Variants in RAB11FIP5 observed in about 807,000 individuals in gnomAD.
RAB11FIP5 encodes RAB11 family interacting protein 5.
In RAB11FIP5, 48 loss-of-function variants were observed where a neutral mutation model predicts 85.1. That is an observed-to-expected ratio of 0.56 (90% CI 0.45 to 0.72). The LOEUF (loss-of-function observed/expected upper bound fraction) is 0.72, where lower values mean the gene tolerates loss of function less well. RAB11FIP5 is among the 30% of genes least tolerant of loss of function. The pLI is 0.00. For synonymous variants in RAB11FIP5, 729 were observed against 727.3 expected (o/e 1.00, Z -0.04); for missense variants, 1,491 against 1,687.0 (o/e 0.88, Z 2.04).
rs776830031 is a variant in RAB11FIP5, at chr2:73,112,433, G to A, written c.345C>T (p.Arg115=). 1 of 1,600,984 alleles carries A rather than the reference G, an allele frequency of 6.2e-7. No individual in the cohort carries two copies. Among genetic ancestry groups the A allele is most frequent in the Non-Finnish European group, 8.5e-7 (1 of 1,176,196 alleles). Residue 115 remains arginine, a synonymous_variant, in exon 1 of 6, where the codon CGC becomes CGT. Coordinates refer to ENST00000486777, the MANE Select transcript of RAB11FIP5 (RefSeq NM_001371272.1). Reference sequence around the variant, plus strand: ...GGAACTTGTCGACGCCGATGAGCGAGCGGTGCATGGTGGTGAGCACCAGCT... The same window carrying A: ...GGAACTTGTCGACGCCGATGAGCGAACGGTGCATGGTGGTGAGCACCAGCT... The part of the protein sequence containing the change: ...ACELVLTTMH[R]SLIGVDKFLG...
In RAB11FIP5 at chr2:73,089,327, G is replaced by T. The variant is rs1454177504; in HGVS notation, c.432-12C>A. On this transcript the variant is annotated splice_polypyrimidine_tract_variant and intron_variant, in intron 1 of 5. Transcript: ENST00000486777. This position sits in a 1 kb window ranked among gnomAD's most constrained non-coding sequence, Gnocchi z 4.6. ...GCAGCTTGTACCACCTGTGAGAAGA[G>T]GGGAGCAGGCAGAACTCAGTCACGG... 1 of 1,612,068 alleles carries T rather than the reference G, an allele frequency of 6.2e-7. No homozygotes were observed. The highest frequency in any genetic ancestry group is 1.7e-5 in the Admixed American group (1 of 60,022).
Position 73,112,553 on chromosome 2 carries a change from G to C in RAB11FIP5, c.225C>G (p.Phe75Leu), listed in dbSNP as rs753569888. Residue 75 changes from phenylalanine to leucine, a missense_variant, in exon 1 of 6, where the codon TTC becomes TTG. Coordinates refer to ENST00000486777, the MANE Select transcript of RAB11FIP5 (RefSeq NM_001371272.1). ...CATCCAGGGCCCCCGGCGGCAGCTC[G>C]AAGGAGCACTCCTCACGCCACTCGG... ...GCPEWREECS[F>L]ELPPGALDGL... 5.4e-5 allele frequency: 84 copies of C among 1,559,066 alleles called. No individual in the cohort carries two copies. Among genetic ancestry groups the C allele is most frequent in the Non-Finnish European group, 6.8e-5 (79 of 1,155,400 alleles).
At chr2:73,103,477 G>A (rs1168966319) in intron 1 of RAB11FIP5, among the ~76,000 whole-genome samples, 1 of 152,220 alleles carries the variant, frequency 6.6e-6, no homozygotes, top group Non-Finnish European at 1.5e-5. Context: ...ACCACAGAGA[G>A]CAACAGAAAA....
In RAB11FIP5 at chr2:73,081,469, G is replaced by A; in HGVS notation, c.1763C>T (p.Thr588Ile). ...AAATTAAPEA[T>I]PPGLLGLTNP... ...GGTAAGACCCAATAATCCAGGTGGG[G>A]TGGCTTCAGGGGCGGCGGTGGTGGC... The change falls in exon 4 of 6, where the codon ACC (threonine) becomes ATC (isoleucine). Residue 588 changes from threonine (T) to isoleucine (I), a missense_variant. Thr to Ile is a moderately conservative substitution (Grantham distance 89, BLOSUM62 -1). Around this residue, in one of 3 missense-constraint regions of RAB11FIP5, gnomAD observed 1,211 missense variants for 1,338.0 expected, o/e 0.91. Transcript: ENST00000486777. The surrounding 1 kb of genome is among the most constrained non-coding windows in gnomAD (Gnocchi z 4.2). 4 of 1,234,370 alleles carry A rather than the reference G, an allele frequency of 3.2e-6. No individual in the cohort carries two copies. Among genetic ancestry groups the A allele is most frequent in the Non-Finnish European group, 4.0e-6 (4 of 989,352 alleles). The allele number at this position is 1,234,370 out of a possible 1,614,324, so 76.5% of individuals were successfully genotyped here.
At position 73,075,737 on chromosome 2, in the gene RAB11FIP5, C is replaced by A. The variant is rs372506810; in HGVS notation, c.3772-13G>T. ...GCACAGCTGAGTCCTGAGGCCGGAC[C>A]GAAGACAGTGAGCAGGGCAGCCCTA... On this transcript the variant is annotated splice_polypyrimidine_tract_variant and intron_variant, in intron 5 of 5. Coordinates refer to ENST00000486777, the MANE Select transcript of RAB11FIP5 (RefSeq NM_001371272.1). The surrounding 1 kb of genome is among the most constrained non-coding windows in gnomAD (Gnocchi z 4.6). 3 of 1,583,436 alleles carry A rather than the reference C, an allele frequency of 1.9e-6. No individual in the cohort carries two copies. In the African/African-American group the frequency reaches 4.0e-5, roughly 21 times the overall value.
In RAB11FIP5 at chr2:73,088,167, C is replaced by T. The variant is rs1255857094; in HGVS notation, c.1451G>A (p.Gly484Glu). 1.9e-6 allele frequency: 3 copies of T among 1,613,936 alleles called. No individual in the cohort carries two copies. Among genetic ancestry groups the T allele is most frequent in the South Asian group, 1.1e-5 (1 of 91,084 alleles). ...CCCCAGGATGGGACCCCCCTTTTCC[C>T]CCAGAGAGCTTCGGCGACCCAACTC... ...RSELGRRSSL[G>E]EKGGPILGAS... The change falls in exon 3 of 6, where the codon GGG becomes GAG. Residue 484 changes from glycine to glutamate, a missense_variant. Gly to Glu is a moderately conservative substitution (Grantham distance 98). Around this residue, in one of 3 missense-constraint regions of RAB11FIP5, gnomAD observed 1,211 missense variants for 1,338.0 expected, o/e 0.91. Transcript: ENST00000486777.
In RAB11FIP5 at chr2:73,088,544, G is replaced by A; in HGVS notation, c.1074C>T (p.Ile358=). The A allele has an allele frequency of 6.2e-7, 1 of 1,613,938 alleles. No homozygotes were observed. The highest frequency in any genetic ancestry group is 8.5e-7 in the Non-Finnish European group (1 of 1,180,054). ...PQGPVRHRSS[I]SGSLPSSGSL... ...AGCCAGAGGATGGAAGCGAGCCCGA[G>A]ATGGAGCTGCGGTGCCGCACAGGGC... Residue 358 remains isoleucine (I), a synonymous_variant, in exon 3 of 6, where the codon ATC becomes ATT. Transcript: ENST00000486777.
chr2:73,101,635 G>A (rs1574303785), intron 1 of RAB11FIP5, among the ~76,000 whole-genome samples: 1 of 152,228 alleles, frequency 6.6e-6, no homozygotes, highest in East Asian at 1.9e-4. Flanking sequence ...CTTGGGCCAG[G>A]ACACAGGCTT....
At chr2:73,090,848 G>A (rs1684193973) in intron 1 of RAB11FIP5, among the ~76,000 whole-genome samples, 1 of 152,194 alleles carries the variant, frequency 6.6e-6, no homozygotes, top group South Asian at 2.1e-4. Flanking sequence ...CCCACAGAAT[G>A]CACAAAACAG....
rs1338798535 is a variant in RAB11FIP5, at chr2:73,074,442, G to A, written c.*1079C>T. 1 of 152,692 alleles carries A rather than the reference G, an allele frequency of 6.5e-6. No individual in the cohort carries two copies. Among genetic ancestry groups the A allele is most frequent in the Non-Finnish European group, 1.5e-5 (1 of 68,274 alleles). 9.5% of individuals were successfully genotyped at this position (152,692 alleles called of 1,614,324 possible). ...AGGAAGGTTGAGGGAGCAGCAACTT[G>A]GCCAGACCAAGAGATTAACTTTAGG... On this transcript the variant is annotated 3_prime_UTR_variant, in exon 6 of 6. Coordinates refer to ENST00000486777, the MANE Select transcript of RAB11FIP5 (RefSeq NM_001371272.1).
chr2:73,088,857 C>G (rs559044135), intron 2 of RAB11FIP5, 22 bp downstream of exon 2: 151 of 1,546,640 alleles, frequency 9.8e-5, no homozygotes, highest in Admixed American at 2.1e-4. Flanking sequence ...CTCCCCAGGG[C>G]GGCGGCCCTG....
At chr2:73,087,958 A>G (rs1435285830) in intron 3 of RAB11FIP5, 92 bp downstream of exon 3, 10 of 1,275,606 alleles carry the variant, frequency 7.8e-6, no homozygotes, top group South Asian at 4.3e-5. Context: ...CCTGAGGTCC[A>G]TATCTACTCC....
At position 73,077,218 on chromosome 2, in the gene RAB11FIP5, G is replaced by A. The variant is rs192640181; in HGVS notation, c.3582-1036C>T. ...ACCCCTCAGGTGCATCCCACTCCCC[G>A]CCACACCTCCTCTGTGCTGCCCTAG... is the stretch of plus-strand genomic sequence containing the variant. On this transcript the variant is annotated intron_variant, in intron 4 of 5. Coordinates refer to ENST00000486777, the MANE Select transcript of RAB11FIP5 (RefSeq NM_001371272.1). Among the ~76,000 whole-genome samples, 396 of 152,216 alleles carry A rather than the reference G, an allele frequency of 2.6e-3. 1 individual carries two copies. Among genetic ancestry groups the A allele is most frequent in the Non-Finnish European group, 4.2e-3 (289 of 68,012 alleles).
intron 1 of RAB11FIP5, among the ~76,000 whole-genome samples, chr2:73,092,716 A>G (rs1391101077): frequency 6.6e-6 from 1 of 152,162 alleles, no homozygotes; most frequent in Non-Finnish European, 1.5e-5. Context: ...TCAAGGAAGC[A>G]CGGAAGGAAA....
At chr2:73,107,069 A>C (rs1684542422) in intron 1 of RAB11FIP5, among the ~76,000 whole-genome samples, 1 of 152,108 alleles carries the variant, frequency 6.6e-6, no homozygotes, top group Admixed American at 6.5e-5. Flanking sequence ...AGGTAGAAAT[A>C]ACCTCAGGCC....
intron 1 of RAB11FIP5, among the ~76,000 whole-genome samples, chr2:73,099,410 A>C (rs1684386987): frequency 1.3e-5 from 2 of 152,196 alleles, no homozygotes; most frequent in South Asian, 4.1e-4. Flanking sequence ...TGGCACCAAA[A>C]GGGCTGAGAA....
rs1421471057 is a variant in RAB11FIP5 at position 73,086,905 on chromosome 2, C to G, written c.1568+1145G>C. Reference sequence around the variant, plus strand: ...TCTATGAGGGTCTAACAGGGATTGTCAGCTGACCATGGCCCAAACCTAGAA... The same window carrying G: ...TCTATGAGGGTCTAACAGGGATTGTGAGCTGACCATGGCCCAAACCTAGAA... On this transcript the variant is annotated intron_variant, in intron 3 of 5. Coordinates refer to ENST00000486777, the MANE Select transcript of RAB11FIP5 (RefSeq NM_001371272.1). This position sits in a 1 kb window ranked among gnomAD's most constrained non-coding sequence, Gnocchi z 4.4. Among the ~76,000 whole-genome samples the G allele has an allele frequency of 1.3e-5, 2 of 152,154 alleles. No individual in the cohort carries two copies. The highest frequency in any genetic ancestry group is 2.9e-5 in the Non-Finnish European group (2 of 68,014).
chr2:73,084,154 G>A (rs1684050782), intron 3 of RAB11FIP5: 1 of 152,236 alleles, frequency 6.6e-6, no homozygotes, highest in South Asian at 2.1e-4. Flanking sequence ...TCTCCCTGGA[G>A]GAAGGGACTC....
In RAB11FIP5 at chr2:73,112,499, C is replaced by T. The variant is rs773642515; in HGVS notation, c.279G>A (p.Ala93=). The change falls in exon 1 of 6, where the codon GCG becomes GCA. Residue 93 remains alanine, a synonymous_variant. Coordinates refer to ENST00000486777, the MANE Select transcript of RAB11FIP5 (RefSeq NM_001371272.1). ...DGLLRAQEAD[A]GPAPWAASSA... ...AGCTCGCGGCCCAGGGCGCCGGGCC[C>T]GCGTCGGCCTCCTGCGCCCGCAGCA... 7 of 1,493,478 alleles carry T rather than the reference C, an allele frequency of 4.7e-6. No individual in the cohort carries two copies. Among genetic ancestry groups the T allele is most frequent in the South Asian group, 2.6e-5 (2 of 76,956 alleles). The allele number at this position is 1,493,478 out of a possible 1,614,324, so 92.5% of individuals were successfully genotyped here.
Sources: gnomAD v4.1 joint callset for allele counts (sites outside exome capture counted in the v4.1 genomes callset) on GRCh38, gnomAD v4.1.1 for gene constraint, gnomAD v4.1.1 regional missense constraint, Gnocchi (gnomAD v3.1) non-coding constraint, MANE v1.5 for transcripts, NCBI Gene and HGNC (gene_info 2026-07-23, HGNC 2026-07-21) for gene names.